DISC1: variants seen among roughly 807,000 people sequenced by gnomAD.
The protein encoded by DISC1 is disrupted in schizophrenia 1 protein.
DISC1 carries 57 observed loss-of-function variants against 84.5 expected under a neutral mutation model. That is an observed-to-expected ratio of 0.67 (90% CI 0.55 to 0.84). DISC1 has a LOEUF of 0.84. Ranked by LOEUF, DISC1 falls within the 40% of genes least tolerant of loss-of-function variation. DISC1 has a pLI of 0.00. For missense variants in DISC1, 1,000 were observed against 1,057.8 expected (o/e 0.95, Z 0.76); for synonymous variants, 411 against 415.2 (o/e 0.99, Z 0.12).
At chr1:231,913,548 C>T (rs2089414680) in intron 9 of DISC1, among the ~76,000 whole-genome samples, 1 of 152,216 alleles carries the variant, frequency 6.6e-6, no homozygotes, top group Non-Finnish European at 1.5e-5. Flanking sequence ...GCGTCACTCT[C>T]AGGGTTGTGG....
chr1:231,885,446 A>G (rs527396417), intron 9 of DISC1, among the ~76,000 whole-genome samples: 23 of 152,254 alleles, frequency 1.5e-4, no homozygotes, highest in Admixed American at 1.4e-3. Flanking sequence ...AGTTCCCACA[A>G]TACTCCGGTG....
rs1399631846 is a variant in DISC1 at position 231,630,235 on chromosome 1, AC to A, written c.67+3302del. Among the ~76,000 whole-genome samples the A allele has an allele frequency of 2.0e-5, 3 of 152,162 alleles. No individual in the cohort carries two copies. The highest frequency in any genetic ancestry group is 4.4e-5 in the Non-Finnish European group (3 of 68,030). ...TGAGCCACTGCGCCGGGCCCTTTAA[AC>A]AAGATTTAAAGACCAGCACACAAAG... On this transcript the variant is annotated intron_variant, in intron 1 of 12. Transcript: ENST00000439617. The surrounding 1 kb of genome is among the most constrained non-coding windows in gnomAD (Gnocchi z 4.4).
chr1:231,732,899 G>C (rs760019093), intron 3 of DISC1, among the ~76,000 whole-genome samples: 8 of 62,926 alleles, frequency 1.3e-4, no homozygotes. Context: ...ATGAGTTGGT[G>C]GTGTAGGTAG....
chr1:232,003,299 A>C (rs1666945773), intron 10 of DISC1, among the ~76,000 whole-genome samples: 1 of 152,182 alleles, frequency 6.6e-6, no homozygotes, highest in Admixed American at 6.5e-5. Context: ...AAGCTGGGTA[A>C]ATTTGAATTA....
intron 6 of DISC1, among the ~76,000 whole-genome samples, chr1:231,790,836 A>G (rs1228286236): frequency 6.6e-6 from 1 of 151,998 alleles, no homozygotes; most frequent in Non-Finnish European, 1.5e-5. Flanking sequence ...CTCTCCTTAT[A>G]ATGATACCAG....
At chr1:231,969,766 C>A (rs1190924926) in intron 10 of DISC1, among the ~76,000 whole-genome samples, 1 of 151,598 alleles carries the variant, frequency 6.6e-6, no homozygotes, top group African/African-American at 2.4e-5. Context: ...CACCCCATGA[C>A]AGGCCCCGGT....
chr1:231,658,742 G>A (rs913551124), intron 1 of DISC1, among the ~76,000 whole-genome samples: 2 of 152,124 alleles, frequency 1.3e-5, no homozygotes, highest in African/African-American at 2.4e-5. Flanking sequence ...TAATCATGTG[G>A]TTTTTGTCTT....
intron 9 of DISC1, among the ~76,000 whole-genome samples, chr1:231,845,008 T>C (rs2083353890): frequency 1.3e-5 from 2 of 151,964 alleles, no homozygotes; most frequent in Admixed American, 1.3e-4. Flanking sequence ...TAAGGGGTTG[T>C]GCAGACCAAA....
intron 3 of DISC1, among the ~76,000 whole-genome samples, chr1:231,705,186 G>T (rs556233821): frequency 2.4e-4 from 36 of 150,702 alleles, no homozygotes; most frequent in Non-Finnish European, 4.3e-4. Context: ...TACTCGGGAG[G>T]CTGAGGCAGG....
At position 231,767,210 on chromosome 1, in the gene DISC1, AGCTT is replaced by A; in HGVS notation, c.1342_1345del (p.Leu448ThrfsTer38). 2.5e-6 allele frequency: 4 copies of A among 1,614,234 alleles called. No homozygotes were observed. The highest frequency in any genetic ancestry group is 3.4e-6 in the Non-Finnish European group (4 of 1,180,032). On this transcript the variant is annotated frameshift_variant, in exon 5 of 13. Transcript: ENST00000439617. LOFTEE classifies it high-confidence loss of function. ...GCTGTTGGAACCCACTGCTCAGGAC[AGCTT>A]GCACGTGTCCATCACGAGACGAGAC...
intron 9 of DISC1, among the ~76,000 whole-genome samples, chr1:231,947,188 G>A (rs911813554): frequency 3.3e-5 from 5 of 151,826 alleles, no homozygotes; most frequent in African/African-American, 1.2e-4. Context: ...GAAGCATCAC[G>A]CTACTTGACT....
chr1:231,931,645 A>ATTTTTTTT (rs10652394), intron 9 of DISC1, among the ~76,000 whole-genome samples: 4 of 137,942 alleles, frequency 2.9e-5, no homozygotes, highest in Non-Finnish European at 3.1e-5. Flanking sequence ...ACTGCTTGTG[A>ATTTTTTTT]TTTTTTTTTT....
intron 1 of DISC1, among the ~76,000 whole-genome samples, chr1:231,641,013 A>G (rs566453896): frequency 3.5e-4 from 54 of 152,360 alleles, no homozygotes; most frequent in African/African-American, 1.3e-3. Context: ...CATGCTCTGG[A>G]GACCCTGCTG....
rs183868741 is a variant in DISC1 at position 231,648,751 on chromosome 1, T to C, written c.67+21817T>C. Among the ~76,000 whole-genome samples, 1,291 of 152,326 alleles carry C rather than the reference T, an allele frequency of 8.5e-3. 17 individuals carry two copies. The highest frequency in any genetic ancestry group is 0.03 in the African/African-American group (1,236 of 41,570). Reference sequence around the variant, plus strand: ...AATTTCAGATCCTGTTATTGGTCTATTCAGAGATTCAACTTCTTCCTGGTT... The same window carrying C: ...AATTTCAGATCCTGTTATTGGTCTACTCAGAGATTCAACTTCTTCCTGGTT... On this transcript the variant is annotated intron_variant, in intron 1 of 12. Coordinates refer to ENST00000439617, the MANE Select transcript of DISC1 (RefSeq NM_018662.3).
At chr1:231,736,464 A>G (rs2072509907) in intron 3 of DISC1, among the ~76,000 whole-genome samples, 1 of 152,214 alleles carries the variant, frequency 6.6e-6, no homozygotes, top group Non-Finnish European at 1.5e-5. Flanking sequence ...TTACTCTGCA[A>G]AGTGTTGTGA....
chr1:231,868,524 G>C (rs563157859), intron 9 of DISC1, among the ~76,000 whole-genome samples: 1 of 151,574 alleles, frequency 6.6e-6, no homozygotes. Flanking sequence ...TGTGAGAGAG[G>C]TGAAGAAGAT....
Position 232,036,819 on chromosome 1 carries a change from A to T in DISC1, c.2553A>T (p.Glu851Asp). 6.3e-7 allele frequency: 1 copy of T among 1,578,200 alleles called. No homozygotes were observed. The highest frequency in any genetic ancestry group is 2.3e-5 in the East Asian group (1 of 43,268). Residue 851 changes from glutamate (E) to aspartate (D), a missense_variant, in exon 13 of 13, where the codon GAA (glutamate) becomes GAT (aspartate). Physicochemically the swap from Glu to Asp is conservative, Grantham distance 45 (BLOSUM62 2). Transcript: ENST00000439617. ...AASCMTAGVH[E>D]AQA The stretch of plus-strand genomic sequence containing the variant: ...CCTGCATGACAGCTGGTGTCCACGA[A>T]GCACAAGCCTGAGGAGTGACGGGAT...
rs150139449 is a variant in DISC1 at position 231,826,270 on chromosome 1, G to A, written c.1981+7753G>A. On this transcript the variant is annotated intron_variant, in intron 9 of 12. Transcript: ENST00000439617. The surrounding 1 kb of genome is among the most constrained non-coding windows in gnomAD (Gnocchi z 4.2). ...TCTTACCTGCCATTTTACCTTTGAC[G>A]TTGCTTTATGTTCTTTATGAATTTG... Among the ~76,000 whole-genome samples the A allele has an allele frequency of 1.4e-4, 21 of 152,234 alleles. No individual in the cohort carries two copies. In the East Asian group the frequency reaches 4.1e-3, roughly 29 times the overall value.
intron 9 of DISC1, among the ~76,000 whole-genome samples, chr1:231,905,137 T>G (rs1420946668): frequency 6.6e-6 from 1 of 152,172 alleles, no homozygotes; most frequent in African/African-American, 2.4e-5. Flanking sequence ...TCATCAGCAA[T>G]GGGACAAGTC....
Sources: allele counts gnomAD v4.1 joint callset (sites outside exome capture counted in the v4.1 genomes callset), GRCh38; gene constraint gnomAD v4.1.1; non-coding constraint Gnocchi (gnomAD v3.1); transcripts MANE v1.5; gene names NCBI Gene and HGNC (gene_info 2026-07-23, HGNC 2026-07-21).